The following PDPN variants were observed in gnomAD, a reference collection of about 807,000 sequenced individuals.
The protein encoded by PDPN is podoplanin, also known as PA2.26 antigen.
Under a neutral mutation model 23.2 loss-of-function variants are expected in PDPN, and 12 were observed. The observed-to-expected ratio is 0.52, with a 90% CI of 0.33 to 0.84. PDPN has a LOEUF of 0.84. Ranked by LOEUF, PDPN falls within the 40% of genes least tolerant of loss-of-function variation. The probability of loss-of-function intolerance (pLI) is 0.02; values close to 1 mark genes in which losing one functional copy is unlikely to be tolerated. For synonymous variants in PDPN, 77 were observed against 76.7 expected (o/e 1.00, Z -0.02); for missense variants, 199 against 212.2 (o/e 0.94, Z 0.39).
At chr1:13,584,207 G>C in intron 1 of PDPN, 107 bp downstream of exon 1, 3 of 1,519,088 alleles carry the variant, frequency 2.0e-6, no homozygotes, top group Non-Finnish European at 2.7e-6. Context: ...GGGGAGCGCG[G>C]GGGAGCTGAG....
chr1:13,610,130 ACT>A (rs1216788366), intron 2 of PDPN, among the ~76,000 whole-genome samples: 7 of 152,176 alleles, frequency 4.6e-5, no homozygotes, highest in Non-Finnish European at 7.4e-5. Context: ...TATAGACCAT[ACT>A]GTGTATCCAT....
Position 13,595,157 on chromosome 1 carries a change from A to G in PDPN, c.67+11057A>G, listed in dbSNP as rs201062483. Among the ~76,000 whole-genome samples, 5 of 152,282 alleles carry G rather than the reference A, an allele frequency of 3.3e-5. No individual in the cohort carries two copies. In the East Asian group the frequency reaches 9.6e-4, roughly 29 times the overall value. ...AAGATCTGTGAAAGATACACATGAG[A>G]TTTCAGTTCTTTCCCTCTTAAAAGG... On this transcript the variant is annotated intron_variant, in intron 1 of 5. Transcript: ENST00000621990.
At chr1:13,601,018 G>A (rs1287666655) in intron 1 of PDPN, among the ~76,000 whole-genome samples, 1 of 152,194 alleles carries the variant, frequency 6.6e-6, no homozygotes, top group Non-Finnish European at 1.5e-5. Context: ...AATGTGAGAG[G>A]GTGTTAGGAC....
At chr1:13,595,496 G>A (rs57026300) in intron 1 of PDPN, among the ~76,000 whole-genome samples, 4,862 of 152,278 alleles carry the variant, frequency 0.032, 254 homozygotes, top group African/African-American at 0.11. Context: ...GTACTGTGCA[G>A]ACTGCCTCCC....
intron 3 of PDPN, 137 bp downstream of exon 3, chr1:13,610,653 G>T (rs1640910539): frequency 1.2e-6 from 1 of 824,824 alleles, no homozygotes; most frequent in Admixed American, 2.8e-5. Flanking sequence ...AGCTTTATAT[G>T]GTAGGTTCAG....
chr1:13,607,095 T>A, intron 1 of PDPN, 78 bp from the exon 2 acceptor site: 1 of 1,452,504 alleles, frequency 6.9e-7, no homozygotes, highest in Non-Finnish European at 9.3e-7. Context: ...GAAAAGAAAA[T>A]AATCCGAATG....
intron 1 of PDPN, among the ~76,000 whole-genome samples, chr1:13,603,675 G>A (rs1210395212): frequency 6.7e-6 from 1 of 149,380 alleles, no homozygotes; most frequent in Non-Finnish European, 1.5e-5. Flanking sequence ...TGCAACCTCC[G>A]CCCCCCGAGT....
chr1:13,608,321 TGAG>T, intron 2 of PDPN, among the ~76,000 whole-genome samples: 1 of 152,288 alleles, frequency 6.6e-6, no homozygotes, highest in Admixed American at 6.5e-5. Context: ...TGGGAGGGAT[TGAG>T]GAGGTCAATG....
chr1:13,593,296 T>C (rs1283968440), intron 1 of PDPN, among the ~76,000 whole-genome samples: 2 of 151,924 alleles, frequency 1.3e-5, no homozygotes, highest in African/African-American at 2.4e-5. Flanking sequence ...GCTTTAGATA[T>C]GATGAGTTTG....
chr1:13,589,635 C>T (rs569529598), intron 1 of PDPN, among the ~76,000 whole-genome samples: 1 of 152,248 alleles, frequency 6.6e-6, no homozygotes, highest in Non-Finnish European at 1.5e-5. Context: ...AGACACGGAG[C>T]TTGTAAATGG....
At chr1:13,599,474 C>T (rs1439607839) in intron 1 of PDPN, among the ~76,000 whole-genome samples, 1 of 148,120 alleles carries the variant, frequency 6.8e-6, no homozygotes, top group Admixed American at 6.8e-5. Context: ...CAACCTCCAC[C>T]TCCTGGGTTC....
rs1394849954 is a variant in PDPN, at chr1:13,585,352, G to C, written c.67+1252G>C. The C allele has an allele frequency of 6.8e-6, 3 of 439,472 alleles. No individual in the cohort carries two copies. In the East Asian group the frequency reaches 2.2e-4, roughly 32 times the overall value. 27.2% of individuals were successfully genotyped at this position (439,472 alleles called of 1,614,324 possible). A position where few individuals can be genotyped will look rare whatever the true frequency, so the allele number is the denominator to read the frequency against. On this transcript the variant is annotated intron_variant, in intron 1 of 5. Transcript: ENST00000621990. ...TATGCTGTGCTGTCTGCTTCAAAGG[G>C]ACTGAGCAACTCTTTTTATAGGGGC...
At chr1:13,605,675 T>G (rs541251605) in intron 1 of PDPN, among the ~76,000 whole-genome samples, 1 of 152,042 alleles carries the variant, frequency 6.6e-6, no homozygotes, top group Admixed American at 6.6e-5. Flanking sequence ...CAGGTTGGAG[T>G]GCAGTGGTGT....
At chr1:13,599,242 C>T (rs921176218) in intron 1 of PDPN, among the ~76,000 whole-genome samples, 8 of 151,920 alleles carry the variant, frequency 5.3e-5, no homozygotes, top group South Asian at 4.2e-4. Context: ...ATCTCCTGAC[C>T]GTGTGATCCA....
In PDPN at chr1:13,583,971, AT is replaced by A; in HGVS notation, c.-59del. 1 of 1,613,402 alleles carries A rather than the reference AT, an allele frequency of 6.2e-7. No individual in the cohort carries two copies. Among genetic ancestry groups the A allele is most frequent in the African/African-American group, 1.3e-5 (1 of 74,932 alleles). ...GGGCCTGTGGCCGCGGTGCTTTTTA[AT>A]TTTCCCCCAGCTCAGAATCTTGCTG... On this transcript the variant is annotated 5_prime_UTR_variant, in exon 1 of 6. Transcript: ENST00000621990.
Position 13,583,982 on chromosome 1 carries a change from G to A in PDPN, c.-52G>A, listed in dbSNP as rs1302532074. ...CGCGGTGCTTTTTAATTTTCCCCCA[G>A]CTCAGAATCTTGCTGCTCGGCCCCC... On this transcript the variant is annotated 5_prime_UTR_variant, in exon 1 of 6. Coordinates refer to ENST00000621990, the MANE Select transcript of PDPN (RefSeq NM_006474.5). The A allele has an allele frequency of 6.2e-7, 1 of 1,613,712 alleles. No individual in the cohort carries two copies. Among genetic ancestry groups the A allele is most frequent in the East Asian group, 2.2e-5 (1 of 44,882 alleles).
At chr1:13,610,131 C>G (rs997223776) in intron 2 of PDPN, among the ~76,000 whole-genome samples, 11 of 152,146 alleles carry the variant, frequency 7.2e-5, no homozygotes, top group African/African-American at 2.2e-4. Flanking sequence ...ATAGACCATA[C>G]TGTGTATCCA....
intron 1 of PDPN, among the ~76,000 whole-genome samples, chr1:13,589,069 C>T (rs1570010339): frequency 8.1e-6 from 1 of 123,892 alleles, no homozygotes; most frequent in African/African-American, 3.4e-5. Flanking sequence ...AAACCCCATC[C>T]CTGCTTACCG....
chr1:13,595,254 C>G (rs184444996), intron 1 of PDPN, among the ~76,000 whole-genome samples: 278 of 152,178 alleles, frequency 1.8e-3, no homozygotes, highest in African/African-American at 5.5e-3. Context: ...ATATCCTGTC[C>G]CTTCCTGATG....
Sources: gnomAD v4.1 joint callset for allele counts (sites outside exome capture counted in the v4.1 genomes callset) on GRCh38, gnomAD v4.1.1 for gene constraint, MANE v1.5 for transcripts, NCBI Gene and HGNC (gene_info 2026-07-23, HGNC 2026-07-21) for gene names.